Variants in NKAIN3 observed in about 807,000 individuals in gnomAD.
The protein encoded by NKAIN3 is sodium/potassium transporting ATPase interacting 3.
NKAIN3 carries 25 observed loss-of-function variants against 30.2 expected under a neutral mutation model. That is an observed-to-expected ratio of 0.83 (90% confidence interval 0.60 to 1.16). NKAIN3 has a LOEUF of 1.16. Ranked by LOEUF, NKAIN3 falls within the 50% of genes most tolerant of loss-of-function variation. NKAIN3 has a pLI of 0.00. For missense variants in NKAIN3, 225 were observed against 254.1 expected (o/e 0.89, Z 0.78); for synonymous variants, 91 against 89.6 (o/e 1.02, Z -0.09).
downstream of NKAIN3, among the ~76,000 whole-genome samples, chr8:62,986,413 A>T (rs116659909): frequency 1.9e-3 from 285 of 152,238 alleles, 4 homozygotes; most frequent in African/African-American, 6.6e-3. Context: ...TCTCCAGCCC[A>T]CTATCACTGG....
chr8:62,332,283 G>A (rs1210417272), intron 1 of NKAIN3, among the ~76,000 whole-genome samples: 2 of 151,978 alleles, frequency 1.3e-5, no homozygotes, highest in African/African-American at 4.8e-5. Flanking sequence ...AGAACATATT[G>A]CCATTCTAGA....
rs560320166 is a variant in NKAIN3 at position 62,747,168 on chromosome 8, T to C, written c.471+39T>C. ...TTGTGTCATTATCTAATCAGAACTCTTCTTTGCTGGCATTTTTTTCTCCAC... is the reference window on the plus strand; with the variant it reads ...TTGTGTCATTATCTAATCAGAACTCCTCTTTGCTGGCATTTTTTTCTCCAC... On this transcript the variant is annotated intron_variant, in intron 4 of 6. Coordinates refer to ENST00000623646, the MANE Select transcript of NKAIN3 (RefSeq NM_001304533.3). The C allele has an allele frequency of 3.8e-5, 53 of 1,381,974 alleles. No homozygotes were observed. The South Asian group carries it at 6.4e-4, about 17-fold the overall frequency. 85.6% of individuals were successfully genotyped at this position (1,381,974 alleles called of 1,614,324 possible). A position where few individuals can be genotyped will look rare whatever the true frequency, so the allele number is the denominator to read the frequency against.
chr8:62,743,792 G>T (rs1404365143), intron 3 of NKAIN3, among the ~76,000 whole-genome samples: 1 of 152,076 alleles, frequency 6.6e-6, no homozygotes, highest in Non-Finnish European at 1.5e-5. Flanking sequence ...AGGACCTAAT[G>T]GTAAGAGACT....
intron 1 of NKAIN3, among the ~76,000 whole-genome samples, chr8:62,456,259 C>G (rs1013490207): frequency 1.3e-5 from 2 of 152,164 alleles, no homozygotes; most frequent in African/African-American, 4.8e-5. Context: ...CAGGGGCTCA[C>G]GCCTGTAATC....
Position 62,791,836 on chromosome 8 carries a change from T to C in NKAIN3, c.471+44707T>C, listed in dbSNP as rs556110960. On this transcript the variant is annotated intron_variant, in intron 4 of 6. Transcript: ENST00000623646. ...CCAAAGGACCCAGAAGTAAACATTA[T>C]TGAATATATTTTTTGTTTGTTTTTG... Among the ~76,000 whole-genome samples the C allele has an allele frequency of 7.9e-5, 12 of 152,242 alleles. No homozygotes were observed. In the East Asian group the frequency reaches 1.5e-3, roughly 20 times the overall value.
At chr8:62,644,626 A>G (rs1812402152) in intron 3 of NKAIN3, among the ~76,000 whole-genome samples, 1 of 152,166 alleles carries the variant, frequency 6.6e-6, no homozygotes, top group Non-Finnish European at 1.5e-5. Flanking sequence ...TGGAAAGGAC[A>G]ACTATAGATT....
chr8:62,468,955 T>G (rs1236506162), intron 1 of NKAIN3, among the ~76,000 whole-genome samples: 1 of 152,196 alleles, frequency 6.6e-6, no homozygotes, highest in African/African-American at 2.4e-5. Context: ...ATCTGCATTC[T>G]TCCCAATAAT....
chr8:62,612,703 C>G (rs1342562507), intron 3 of NKAIN3, among the ~76,000 whole-genome samples: 1 of 151,702 alleles, frequency 6.6e-6, no homozygotes, highest in African/African-American at 2.4e-5. Flanking sequence ...TTCTTCTTGT[C>G]TTCCTCTAGT....
Position 62,466,167 on chromosome 8 carries a change from T to G in NKAIN3, c.55-113372T>G, listed in dbSNP as rs545824631. On this transcript the variant is annotated intron_variant, in intron 1 of 6. Transcript: ENST00000623646. Reference sequence around the variant, plus strand: ...AAGAGAACCTTAACGAAAGTTCAAGTTAATAATGTATTATTATTATTATTG... The same window carrying G: ...AAGAGAACCTTAACGAAAGTTCAAGGTAATAATGTATTATTATTATTATTG... 2.0e-5 allele frequency among the ~76,000 whole-genome samples: 3 copies of G among 152,300 alleles called. No homozygotes were observed. The South Asian group carries it at 6.2e-4, about 32-fold the overall frequency.
intron 4 of NKAIN3, chr8:62,855,250 A>AGGCC: frequency 2.2e-6 from 1 of 444,486 alleles, no homozygotes; most frequent in Admixed American, 3.6e-5. Context: ...GCTGGGAACA[A>AGGCC]GGCCTGCCAG....
intron 5 of NKAIN3, among the ~76,000 whole-genome samples, chr8:62,951,991 G>T (rs1823295481): frequency 6.6e-6 from 1 of 151,504 alleles, no homozygotes; most frequent in African/African-American, 2.4e-5. Context: ...ATAGGGACAG[G>T]GTTTCACCAT....
At chr8:62,444,419 A>G (rs1180845725) in intron 1 of NKAIN3, among the ~76,000 whole-genome samples, 1 of 152,034 alleles carries the variant, frequency 6.6e-6, no homozygotes, top group African/African-American at 2.4e-5. Flanking sequence ...GTAACAACCA[A>G]TCTACTCTCT....
intron 4 of NKAIN3, among the ~76,000 whole-genome samples, chr8:62,757,789 G>C (rs1185881281): frequency 6.6e-6 from 1 of 152,196 alleles, no homozygotes; most frequent in Non-Finnish European, 1.5e-5. Context: ...TTTATGAACA[G>C]AAGTAGTGGC....
chr8:62,759,932 A>C (rs919028608), intron 4 of NKAIN3, among the ~76,000 whole-genome samples: 2 of 152,206 alleles, frequency 1.3e-5, no homozygotes, highest in African/African-American at 4.8e-5. Context: ...TTTACAAGAA[A>C]AAAACAAACA....
At chr8:62,916,372 T>C (rs1298142459) in intron 4 of NKAIN3, among the ~76,000 whole-genome samples, 1 of 152,200 alleles carries the variant, frequency 6.6e-6, no homozygotes, top group East Asian at 1.9e-4. Flanking sequence ...AAGTGATATA[T>C]AGCAACTGCA....
At chr8:62,521,629 C>G (rs994425100) in intron 1 of NKAIN3, among the ~76,000 whole-genome samples, 4 of 152,106 alleles carry the variant, frequency 2.6e-5, no homozygotes, top group Non-Finnish European at 2.9e-5. Flanking sequence ...GCTTTAGTTG[C>G]TGGTAATGTA....
At chr8:62,294,502 A>G (rs140916318) in intron 1 of NKAIN3, among the ~76,000 whole-genome samples, 7 of 152,194 alleles carry the variant, frequency 4.6e-5, no homozygotes, top group Admixed American at 4.6e-4. Flanking sequence ...AACATTGAAC[A>G]CCCTGCTCCA....
chr8:62,528,286 G>T (rs1480505113), intron 1 of NKAIN3, among the ~76,000 whole-genome samples: 2 of 104,110 alleles, frequency 1.9e-5, no homozygotes, highest in Non-Finnish European at 3.9e-5. Flanking sequence ...TTGGTATTGT[G>T]ATATATATAT....
At chr8:62,336,610 T>C (rs1815560301) in intron 1 of NKAIN3, among the ~76,000 whole-genome samples, 1 of 151,964 alleles carries the variant, frequency 6.6e-6, no homozygotes, top group Admixed American at 6.6e-5. Context: ...ACAGGTTTTG[T>C]ACAGCAACAC....
Sources: gnomAD v4.1 joint callset for allele counts (sites outside exome capture counted in the v4.1 genomes callset) on GRCh38, gnomAD v4.1.1 for gene constraint, MANE v1.5 for transcripts, NCBI Gene and HGNC (gene_info 2026-07-23, HGNC 2026-07-21) for gene names.